The following ALPK3 variants were observed in gnomAD, a reference collection of about 807,000 sequenced individuals.
The protein encoded by ALPK3 is alpha kinase 3.
A neutral mutation model predicts 140.0 loss-of-function variants in ALPK3; 102 were observed. That is an observed-to-expected ratio of 0.73 (90% CI 0.62 to 0.86). The LOEUF is 0.86. ALPK3 is among the 40% of genes least tolerant of loss of function. The probability of loss-of-function intolerance (pLI) is 0.00; values close to 1 mark genes in which losing one functional copy is unlikely to be tolerated. For missense variants in ALPK3, 2,254 were observed against 2,208.2 expected (o/e 1.02, Z -0.42); for synonymous variants, 938 against 898.5 (o/e 1.04, Z -0.79).
rs758233755 is a variant in ALPK3 at position 84,856,592 on chromosome 15, G to A, written c.1854G>A (p.Val618=). 1 of 1,614,012 alleles carries A rather than the reference G, an allele frequency of 6.2e-7. No individual in the cohort carries two copies. The highest frequency in any genetic ancestry group is 1.1e-5 in the South Asian group (1 of 91,080). The change falls in exon 6 of 14, where the codon GTG becomes GTA. Residue 618 remains valine (V), a synonymous_variant. Coordinates refer to ENST00000258888, the MANE Select transcript of ALPK3 (RefSeq NM_020778.5). The part of the protein sequence containing the change: ...KNVQADGKIQ[V]DGRTRGDGTQ... ...TGCAGGCAGATGGGAAGATACAAGT[G>A]GATGGAAGGACCAGGGGAGATGGAA...
intron 5 of ALPK3, among the ~76,000 whole-genome samples, chr15:84,846,172 T>C (rs1963728960): frequency 2.0e-5 from 3 of 152,242 alleles, no homozygotes; most frequent in Admixed American, 6.5e-5. Flanking sequence ...ATGGAATTTG[T>C]AGCCTGAACA....
At chr15:84,851,003 C>G (rs1963797502) in intron 5 of ALPK3, among the ~76,000 whole-genome samples, 1 of 151,986 alleles carries the variant, frequency 6.6e-6, no homozygotes, top group African/African-American at 2.4e-5. Flanking sequence ...TTATTGATTT[C>G]CAACTCCCAG....
intron 10 of ALPK3, among the ~76,000 whole-genome samples, chr15:84,863,228 G>A (rs947240400): frequency 6.6e-6 from 1 of 152,134 alleles, no homozygotes; most frequent in African/African-American, 2.4e-5. Flanking sequence ...TAAAAGGGGG[G>A]TGCTGTGGGT....
At chr15:84,839,216 G>A (rs1436161196) in intron 4 of ALPK3, 119 bp downstream of exon 4, 1 of 868,130 alleles carries the variant, frequency 1.2e-6, no homozygotes, top group Non-Finnish European at 1.8e-6. Flanking sequence ...TGGGGATGGA[G>A]GGCAGGATTC....
At chr15:84,826,612 C>T (rs2141548277) in intron 2 of ALPK3, among the ~76,000 whole-genome samples, 1 of 152,244 alleles carries the variant, frequency 6.6e-6, no homozygotes, top group African/African-American at 2.4e-5. Flanking sequence ...AGACTGTAAG[C>T]CTGAGCATTG....
intron 2 of ALPK3, among the ~76,000 whole-genome samples, chr15:84,825,781 G>A (rs117027988): frequency 6.6e-6 from 1 of 152,332 alleles, no homozygotes; most frequent in Non-Finnish European, 1.5e-5. Context: ...CCCCAAATCA[G>A]AAATTGCTGT....
rs147450988 is a variant in ALPK3 at position 84,862,892 on chromosome 15, A to G, written c.4387A>G (p.Arg1463Gly). 75 of 1,613,962 alleles carry G rather than the reference A, an allele frequency of 4.6e-5. No individual in the cohort carries two copies. The African/African-American group carries it at 8.1e-4, about 17-fold the overall frequency. ...CAGCAGTGAGACTTCTCTTGTGGGCAGAAACTACGACGTCACCATCCAGGT... is the reference window on the plus strand; with the variant it reads ...CAGCAGTGAGACTTCTCTTGTGGGCGGAAACTACGACGTCACCATCCAGGT... Reference protein sequence around the residue: ...GPSSETSLVGRNYDVTIQGCK... With the variant: ...GPSSETSLVGGNYDVTIQGCK... Residue 1463 changes from arginine to glycine, a missense_variant, in exon 10 of 14, where the codon AGA (arginine) becomes GGA (glycine). Coordinates refer to ENST00000258888, the MANE Select transcript of ALPK3 (RefSeq NM_020778.5).
chr15:84,858,743 C>G (rs1175195119), intron 6 of ALPK3, among the ~76,000 whole-genome samples, 188 bp downstream of exon 6: 1 of 152,222 alleles, frequency 6.6e-6, no homozygotes, highest in African/African-American at 2.4e-5. Context: ...TTCTGCCACT[C>G]CACAGAGTGG....
chr15:84,820,567 G>A (rs1483087675), intron 1 of ALPK3, among the ~76,000 whole-genome samples: 6 of 151,906 alleles, frequency 3.9e-5, no homozygotes, highest in East Asian at 3.9e-4. Flanking sequence ...TGCAACCTCC[G>A]CCTCCCAGGT....
At chr15:84,824,537 C>A (rs1397406885) in intron 2 of ALPK3, among the ~76,000 whole-genome samples, 1 of 152,196 alleles carries the variant, frequency 6.6e-6, no homozygotes, top group Non-Finnish European at 1.5e-5. Context: ...TGATTAGCAA[C>A]TACTATGTCC....
At chr15:84,853,407 G>A (rs1046318742) in intron 5 of ALPK3, among the ~76,000 whole-genome samples, 4 of 152,112 alleles carry the variant, frequency 2.6e-5, no homozygotes, top group African/African-American at 9.7e-5. Context: ...GAGGCCAGGA[G>A]TTCAAGACCA....
At position 84,859,348 on chromosome 15, in the gene ALPK3, C is replaced by G. The variant is rs1388644842; in HGVS notation, c.3923C>G (p.Thr1308Arg). 6 of 1,614,192 alleles carry G rather than the reference C, an allele frequency of 3.7e-6. No individual in the cohort carries two copies. The highest frequency in any genetic ancestry group is 4.2e-6 in the Non-Finnish European group (5 of 1,180,020). The change falls in exon 7 of 14, where the codon ACA (threonine) becomes AGA (arginine). Residue 1308 changes from threonine to arginine, a missense_variant. Thr to Arg is a moderately conservative substitution (Grantham distance 71). Transcript: ENST00000258888. ...FFNILSDSVL[T>R]WAKDQRPVGE... ...AACATTCTTAGTGACTCAGTCTTGACATGGGCCAAGGATCAGCGCCCAGTG... is the reference window on the plus strand; with the variant it reads ...AACATTCTTAGTGACTCAGTCTTGAGATGGGCCAAGGATCAGCGCCCAGTG...
chr15:84,827,145 T>A (rs1963496272), intron 2 of ALPK3, among the ~76,000 whole-genome samples: 1 of 152,178 alleles, frequency 6.6e-6, no homozygotes, highest in South Asian at 2.1e-4. Context: ...TGCACCAGTG[T>A]CCCTGGAGAT....
In ALPK3 at chr15:84,859,820, C is replaced by G. The variant is rs755166503; in HGVS notation, c.4010C>G (p.Ser1337Cys). Residue 1337 changes from serine (S) to cysteine (C), a missense_variant, in exon 8 of 14, where the codon TCC (serine) becomes TGC (cysteine). Coordinates refer to ENST00000258888, the MANE Select transcript of ALPK3 (RefSeq NM_020778.5). Reference protein sequence around the residue: ...GPAALAIVQASPVDCGVYRCT... With the variant: ...GPAALAIVQACPVDCGVYRCT... The stretch of plus-strand genomic sequence containing the variant: ...GCGGCCTTGGCCATCGTGCAGGCCT[C>G]CCCCGTAGACTGCGGTGTGTATCGG... 1.9e-6 allele frequency: 3 copies of G among 1,613,782 alleles called. No homozygotes were observed. In the East Asian group the frequency reaches 6.7e-5, roughly 36 times the overall value.
At position 84,858,307 on chromosome 15, in the gene ALPK3, C is replaced by A. The variant is rs368985779; in HGVS notation, c.3569C>A (p.Thr1190Lys). Residue 1190 changes from threonine to lysine, a missense_variant, in exon 6 of 14, where the codon ACG becomes AAG. Thr to Lys is a moderately conservative substitution (Grantham distance 78, BLOSUM62 -1). Transcript: ENST00000258888. ...ATTPEERESP[T>K]VSPRGPRKSL... The stretch of plus-strand genomic sequence containing the variant: ...ACACCTGAAGAAAGGGAGAGCCCCA[C>A]GGTTTCCCCCCGGGGGCCCAGGAAA... The A allele has an allele frequency of 6.4e-7, 1 of 1,570,840 alleles. No individual in the cohort carries two copies. Among genetic ancestry groups the A allele is most frequent in the Middle Eastern group, 1.7e-4 (1 of 6,012 alleles).
chr15:84,842,796 T>A (rs1963681670), intron 5 of ALPK3, among the ~76,000 whole-genome samples: 1 of 152,144 alleles, frequency 6.6e-6, no homozygotes, highest in African/African-American at 2.4e-5. Flanking sequence ...CTGACTCTTG[T>A]CCCCCTCATG....
chr15:84,819,978 A>C (rs1963404435), intron 1 of ALPK3, among the ~76,000 whole-genome samples: 1 of 152,136 alleles, frequency 6.6e-6, no homozygotes, highest in South Asian at 2.1e-4. Context: ...AATATTTCCA[A>C]TGCCCACTGG....
Position 84,862,757 on chromosome 15 carries a change from T to C in ALPK3, c.4252T>C (p.Cys1418Arg). Residue 1418 changes from cysteine to arginine, a missense_variant, in exon 10 of 14, where the codon TGT becomes CGT. Cys to Arg is a radical substitution (Grantham distance 180, BLOSUM62 -3). Transcript: ENST00000258888. Reference sequence around the variant, plus strand: ...GGAGCTCCGAGGGGGTGGATATGGGTGTGGCCTTCGGAAGGCCTCCCAGGC... The same window carrying C: ...GGAGCTCCGAGGGGGTGGATATGGGCGTGGCCTTCGGAAGGCCTCCCAGGC... ...SEELRGGGYG[C>R]GLRKASQAKV... 3 of 1,614,038 alleles carry C rather than the reference T, an allele frequency of 1.9e-6. No individual in the cohort carries two copies. Among genetic ancestry groups the C allele is most frequent in the Non-Finnish European group, 8.5e-7 (1 of 1,180,002 alleles).
At chr15:84,841,298 GAGCAGGTGTGCGCTGTAGTGTAC>G in intron 5 of ALPK3, among the ~76,000 whole-genome samples, 1 of 152,316 alleles carries the variant, frequency 6.6e-6, no homozygotes, top group Admixed American at 6.5e-5. Context: ...GGAGACGGAG[GAGCAGGTGTGCGCTGTAGTGTAC>G]AGCAGGTGGC....
Sources: allele counts gnomAD v4.1 joint callset (sites outside exome capture counted in the v4.1 genomes callset), GRCh38; gene constraint gnomAD v4.1.1; transcripts MANE v1.5; gene names NCBI Gene and HGNC (gene_info 2026-07-23, HGNC 2026-07-21).